The following NBN variants were observed in gnomAD, a reference collection of about 807,000 sequenced individuals.
NBN encodes the protein nibrin.
NBN carries 88 observed loss-of-function variants against 90.8 expected under a neutral mutation model. The ratio of observed to expected loss-of-function variants is 0.97; its 90% confidence interval spans 0.82 to 1.16. NBN has a LOEUF of 1.16. Among genes scored for constraint, NBN ranks in the 50% most tolerant of loss-of-function variants. NBN has a pLI of 0.00. For synonymous variants in NBN, 328 were observed against 295.1 expected (o/e 1.11, Z -1.14); for missense variants, 894 against 869.6 (o/e 1.03, Z -0.35).
At chr8:89,961,744 G>A (rs1468229591) in intron 8 of NBN, among the ~76,000 whole-genome samples, 4 of 152,208 alleles carry the variant, frequency 2.6e-5, no homozygotes, top group Non-Finnish European at 4.4e-5. Flanking sequence ...AAAGGGCTTG[G>A]AGATTTATTC....
chr8:89,963,574 T>A (rs190232931), intron 8 of NBN, among the ~76,000 whole-genome samples: 3 of 152,314 alleles, frequency 2.0e-5, no homozygotes, highest in Non-Finnish European at 2.9e-5. Flanking sequence ...AAAATTTTTT[T>A]AAAAACTATG....
chr8:89,964,606 A>C, intron 7 of NBN, 99 bp from the exon 8 acceptor site: 1 of 1,217,456 alleles, frequency 8.2e-7, no homozygotes. Context: ...TTTCCTCCCA[A>C]ATAATTTTAT....
chr8:89,945,542 G>C (rs1249766541), intron 13 of NBN, among the ~76,000 whole-genome samples: 1 of 152,114 alleles, frequency 6.6e-6, no homozygotes, highest in Non-Finnish European at 1.5e-5. Context: ...TGATCAAATG[G>C]ATAAGTAAAG....
rs558868023 is a variant in NBN at position 89,946,127 on chromosome 8, T to C, written c.2070+13A>G. 33 of 1,545,238 alleles carry C rather than the reference T, an allele frequency of 2.1e-5. No individual in the cohort carries two copies. In the Admixed American group the frequency reaches 2.3e-4, roughly 11 times the overall value. ...CAAACACTGACCTCTTGTGATACAG[T>C]TGAAATACCTACCTTTTTGAATTTC... On this transcript the variant is annotated intron_variant, in intron 13 of 15. Coordinates refer to ENST00000265433, the MANE Select transcript of NBN (RefSeq NM_002485.5).
chr8:89,937,288 T>C, intron 14 of NBN: 1 of 558,118 alleles, frequency 1.8e-6, no homozygotes. Flanking sequence ...CTAAACAGCT[T>C]TCTCCCACCC....
chr8:89,952,721 A>C (rs1161684754), intron 11 of NBN, among the ~76,000 whole-genome samples: 3 of 152,300 alleles, frequency 2.0e-5, no homozygotes, highest in African/African-American at 7.2e-5. Context: ...AGAGCTAACA[A>C]ATCTACAGAT....
chr8:89,984,617 G>C lies in NBN; in HGVS notation c.-56C>G, dbSNP rs1469757188. 1 of 1,603,292 alleles carries C rather than the reference G, an allele frequency of 6.2e-7. No individual in the cohort carries two copies. The highest frequency in any genetic ancestry group is 1.1e-5 in the South Asian group (1 of 89,794). ...TGCAACCGCGTAACCGGGGCTGCTAGACGAGCGCGGATACGGCGCCTGCGG... is the reference window on the plus strand; with the variant it reads ...TGCAACCGCGTAACCGGGGCTGCTACACGAGCGCGGATACGGCGCCTGCGG... On this transcript the variant is annotated 5_prime_UTR_variant, in exon 1 of 16. Coordinates refer to ENST00000265433, the MANE Select transcript of NBN (RefSeq NM_002485.5).
chr8:89,939,967 T>C (rs1809863995), intron 14 of NBN, among the ~76,000 whole-genome samples: 1 of 152,246 alleles, frequency 6.6e-6, no homozygotes, highest in African/African-American at 2.4e-5. Context: ...CTCTCCCAGA[T>C]TCAATGTCTT....
At chr8:89,950,934 A>AG (rs1233816625) in intron 11 of NBN, among the ~76,000 whole-genome samples, 3 of 152,110 alleles carry the variant, frequency 2.0e-5, no homozygotes, top group East Asian at 3.9e-4. Flanking sequence ...TGAGCCAAGG[A>AG]GGGCTGTTAC....
intron 5 of NBN, among the ~76,000 whole-genome samples, chr8:89,976,326 G>C (rs750675980): frequency 6.6e-6 from 1 of 152,216 alleles, no homozygotes; most frequent in South Asian, 2.1e-4. Context: ...AATGTAGAAA[G>C]ATGCAAACCT....
intron 14 of NBN, among the ~76,000 whole-genome samples, chr8:89,940,796 A>C (rs1809904908): frequency 6.6e-6 from 1 of 152,224 alleles, no homozygotes; most frequent in Admixed American, 6.5e-5. Flanking sequence ...ACAAATGCTA[A>C]GTAAAAGAAC....
chr8:89,939,457 AAGTCAGC>A, intron 14 of NBN, among the ~76,000 whole-genome samples: 1 of 152,168 alleles, frequency 6.6e-6, no homozygotes, highest in East Asian at 1.9e-4. Flanking sequence ...AAATAGAAAA[AAGTCAGC>A]AGCTGTATGA....
chr8:89,954,505 C>A (rs961937180), intron 10 of NBN, among the ~76,000 whole-genome samples: 23 of 147,992 alleles, frequency 1.6e-4, no homozygotes, highest in Non-Finnish European at 3.4e-4. Context: ...GGACAAGAGT[C>A]AAAAATTGTA....
chr8:89,949,654 A>T (rs1408034766), intron 11 of NBN, among the ~76,000 whole-genome samples: 1 of 152,226 alleles, frequency 6.6e-6, no homozygotes, highest in Non-Finnish European at 1.5e-5. Context: ...TCTTACAGAC[A>T]TGCTATAATC....
chr8:89,971,997 A>C (rs1457715989), intron 5 of NBN, among the ~76,000 whole-genome samples: 10 of 152,194 alleles, frequency 6.6e-5, no homozygotes, highest in Admixed American at 6.5e-4. Context: ...ACTGACCGGC[A>C]TTTCGACTTG....
At chr8:89,943,680 G>A (rs1007409592) in intron 13 of NBN, among the ~76,000 whole-genome samples, 2 of 152,060 alleles carry the variant, frequency 1.3e-5, no homozygotes, top group African/African-American at 2.4e-5. Context: ...AACTCAAGAT[G>A]AACACAAACA....
intron 14 of NBN, among the ~76,000 whole-genome samples, chr8:89,938,776 T>C (rs1809804394): frequency 1.3e-5 from 2 of 152,190 alleles, no homozygotes; most frequent in African/African-American, 4.8e-5. Flanking sequence ...TTACATCTTA[T>C]CTTTTCATAT....
rs1217913746 is a variant in NBN, at chr8:89,943,285, C to A, written c.2152G>T (p.Glu718Ter). 1.2e-6 allele frequency: 2 copies of A among 1,613,686 alleles called. No individual in the cohort carries two copies. ...TCCTGCCTTAGCCACTCTTCTAGTT[C>A]TGTATTCTTTCGAGCATGATGAGCT... ...LIAHHARKNT[E>*]LEEWLRQEME... is the part of the protein sequence containing the mutation. Residue 718 changes from glutamate to a stop codon, truncating the protein, a stop_gained, in exon 14 of 16, where the codon GAA becomes TAA. Transcript: ENST00000265433. LOFTEE classifies it high-confidence loss of function.
At chr8:89,939,148 C>T (rs769171535) in intron 14 of NBN, among the ~76,000 whole-genome samples, 13 of 151,780 alleles carry the variant, frequency 8.6e-5, no homozygotes, top group African/African-American at 1.5e-4. Flanking sequence ...CAGGAACTGA[C>T]GCAGTGATTA....
Sources: allele counts gnomAD v4.1 joint callset (sites outside exome capture counted in the v4.1 genomes callset), GRCh38; gene constraint gnomAD v4.1.1; transcripts MANE v1.5; gene names NCBI Gene and HGNC (gene_info 2026-07-23, HGNC 2026-07-21).